TMEM178B: variants seen among roughly 807,000 people sequenced by gnomAD.
TMEM178B encodes the protein transmembrane protein 178B.
Under a neutral mutation model 31.0 loss-of-function variants are expected in TMEM178B, and 5 were observed. That is an observed-to-expected ratio of 0.16 (90% CI 0.08 to 0.34). TMEM178B has a LOEUF of 0.34. TMEM178B is among the 10% of genes least tolerant of loss of function. The pLI, the probability that TMEM178B is intolerant of heterozygous loss-of-function variation, is 1.00. For missense variants in TMEM178B, 275 were observed against 400.3 expected (o/e 0.69, Z 2.67); for synonymous variants, 164 against 164.0 (o/e 1.00, Z 0.00).
intron 2 of TMEM178B, among the ~76,000 whole-genome samples, chr7:141,301,164 C>T (rs1049913512): frequency 6.6e-6 from 1 of 152,190 alleles, no homozygotes; most frequent in African/African-American, 2.4e-5. Flanking sequence ...TGAGCTTATA[C>T]CTGAAAGACC....
intron 3 of TMEM178B, among the ~76,000 whole-genome samples, chr7:141,438,242 C>A (rs1801586483): frequency 6.6e-6 from 1 of 152,074 alleles, no homozygotes; most frequent in African/African-American, 2.4e-5. Flanking sequence ...CAGGACTAGA[C>A]CCTCTCTTAT....
At chr7:141,219,661 T>C (rs1055575166) in intron 2 of TMEM178B, among the ~76,000 whole-genome samples, 1 of 152,212 alleles carries the variant, frequency 6.6e-6, no homozygotes, top group Non-Finnish European at 1.5e-5. Flanking sequence ...TGTAAACCTT[T>C]CAGTATACCC....
chr7:141,356,518 T>G (rs1337450637), intron 2 of TMEM178B, among the ~76,000 whole-genome samples: 4 of 152,076 alleles, frequency 2.6e-5, no homozygotes, highest in Non-Finnish European at 5.9e-5. Context: ...TTATGTGTAG[T>G]CTTCTGAGAA....
intron 1 of TMEM178B, among the ~76,000 whole-genome samples, chr7:141,181,446 C>T (rs139964014): frequency 1.7e-3 from 256 of 152,134 alleles, no homozygotes; most frequent in East Asian, 6.8e-3. Flanking sequence ...TGGTGTAGAC[C>T]AGTCGATTCT....
In TMEM178B at chr7:141,074,370, C is replaced by T; in HGVS notation, c.60C>T (p.Gly20=). Residue 20 remains glycine, a synonymous_variant, in exon 1 of 4, where the codon GGC becomes GGT. Coordinates refer to ENST00000565468, the MANE Select transcript of TMEM178B (RefSeq NM_001195278.2). This position sits in a 1 kb window ranked among gnomAD's most constrained non-coding sequence, Gnocchi z 5.1. ...TCTCGCTAGCGCTCTGCGCCCTCGG[C>T]ATGCTGGCCGTGGCCATCTGCTCGG... ...TGLSLALCAL[G]MLAVAICSDH... 6.5e-7 allele frequency: 1 copy of T among 1,536,122 alleles called. No individual in the cohort carries two copies. Among genetic ancestry groups the T allele is most frequent in the Non-Finnish European group, 8.7e-7 (1 of 1,146,862 alleles).
intron 2 of TMEM178B, among the ~76,000 whole-genome samples, chr7:141,281,203 T>C (rs1035655724): frequency 6.6e-6 from 1 of 152,180 alleles, no homozygotes; most frequent in Non-Finnish European, 1.5e-5. Flanking sequence ...GCTGCAGGGC[T>C]GCACCTAGAA....
intron 1 of TMEM178B, among the ~76,000 whole-genome samples, chr7:141,076,167 C>A (rs1319073201): frequency 1.3e-5 from 2 of 152,144 alleles, no homozygotes; most frequent in Non-Finnish European, 2.9e-5. Flanking sequence ...TAAAGATGTA[C>A]AGAATATTAG....
At chr7:141,158,474 A>G (rs945608439) in intron 1 of TMEM178B, among the ~76,000 whole-genome samples, 12 of 152,180 alleles carry the variant, frequency 7.9e-5, no homozygotes, top group Non-Finnish European at 1.5e-4. Context: ...TGTATCCCTT[A>G]TATCCGGATG....
intron 2 of TMEM178B, among the ~76,000 whole-genome samples, chr7:141,385,951 C>T (rs866555366): frequency 6.6e-6 from 1 of 152,228 alleles, no homozygotes; most frequent in Non-Finnish European, 1.5e-5. Context: ...GACTCTTCTT[C>T]TGGGGCTTCT....
chr7:141,449,720 C>T (rs2116700359), intron 3 of TMEM178B, among the ~76,000 whole-genome samples: 1 of 152,306 alleles, frequency 6.6e-6, no homozygotes, highest in Middle Eastern at 3.4e-3. Flanking sequence ...GGAGCAAGGA[C>T]TCGGCAGCAG....
chr7:141,429,410 C>A (rs1166342365), intron 2 of TMEM178B, among the ~76,000 whole-genome samples: 1 of 151,884 alleles, frequency 6.6e-6, no homozygotes, highest in Admixed American at 6.6e-5. Flanking sequence ...CATAGATGAA[C>A]CTGGAGGACA....
At chr7:141,448,033 C>G (rs1431570770) in intron 3 of TMEM178B, among the ~76,000 whole-genome samples, 1 of 151,816 alleles carries the variant, frequency 6.6e-6, no homozygotes, top group East Asian at 2.0e-4. Context: ...CAGATCTCGT[C>G]TCTATTCTGC....
chr7:141,427,928 A>G (rs898565324), intron 2 of TMEM178B, among the ~76,000 whole-genome samples: 3 of 152,228 alleles, frequency 2.0e-5, no homozygotes, highest in African/African-American at 7.2e-5. Context: ...AGACATACAG[A>G]TGGCCAACAG....
chr7:141,257,523 C>T (rs1797946647), intron 2 of TMEM178B, among the ~76,000 whole-genome samples: 1 of 152,086 alleles, frequency 6.6e-6, no homozygotes, highest in African/African-American at 2.4e-5. Flanking sequence ...AGCTGAATGA[C>T]CATTGAAGTT....
intron 2 of TMEM178B, among the ~76,000 whole-genome samples, chr7:141,379,812 A>G (rs1456286330): frequency 1.3e-5 from 2 of 151,970 alleles, no homozygotes; most frequent in African/African-American, 2.4e-5. Context: ...TTTCTTCATT[A>G]TGAGTATTAT....
chr7:141,185,626 A>T (rs76820851), intron 1 of TMEM178B, among the ~76,000 whole-genome samples: 1 of 152,076 alleles, frequency 6.6e-6, no homozygotes, highest in African/African-American at 2.4e-5. Context: ...CTCGACGTCC[A>T]GCTGCTTGTG....
chr7:141,447,374 G>T (rs1260173491), intron 3 of TMEM178B, among the ~76,000 whole-genome samples: 3 of 151,994 alleles, frequency 2.0e-5, no homozygotes, highest in Non-Finnish European at 4.4e-5. Context: ...AAAATGAGCA[G>T]CAAGGAGAAG....
intron 1 of TMEM178B, among the ~76,000 whole-genome samples, chr7:141,181,355 A>G (rs893346651): frequency 3.9e-5 from 6 of 152,352 alleles, no homozygotes; most frequent in Non-Finnish European, 8.8e-5. Flanking sequence ...ACCAGTGTAG[A>G]CTGGCTGACT....
At chr7:141,089,700 G>A (rs1010384480) in intron 1 of TMEM178B, among the ~76,000 whole-genome samples, 15 of 152,180 alleles carry the variant, frequency 9.9e-5, no homozygotes, top group African/African-American at 3.6e-4. Flanking sequence ...ATGAGTTCAT[G>A]TCCTTTGTAG....
Sources: allele counts gnomAD v4.1 joint callset (sites outside exome capture counted in the v4.1 genomes callset), GRCh38; gene constraint gnomAD v4.1.1; non-coding constraint Gnocchi (gnomAD v3.1); transcripts MANE v1.5; gene names NCBI Gene and HGNC (gene_info 2026-07-23, HGNC 2026-07-21).